PRRT4: variants seen among roughly 807,000 people sequenced by gnomAD.
The protein encoded by PRRT4 is proline-rich transmembrane protein 4.
Under a neutral mutation model 55.6 loss-of-function variants are expected in PRRT4, and 59 were observed. The observed-to-expected ratio is 1.06, with a 90% CI of 0.86 to 1.32. The LOEUF is 1.32. Among genes scored for constraint, PRRT4 ranks in the 40% most tolerant of loss-of-function variants. PRRT4 has a pLI of 0.00. For missense variants in PRRT4, 1,217 were observed against 1,222.0 expected (o/e 1.00, Z 0.06); for synonymous variants, 606 against 601.8 (o/e 1.01, Z -0.10).
At chr7:128,354,224 C>A (rs545641070) in intron 4 of PRRT4, among the ~76,000 whole-genome samples, 2 of 152,264 alleles carry the variant, frequency 1.3e-5, no homozygotes, top group Non-Finnish European at 2.9e-5. Context: ...CCCAGGAGCA[C>A]CCCCAGCCAC....
At chr7:128,351,879 G>T in exon 5 of PRRT4, 1 of 1,328,322 alleles carries the variant, frequency 7.5e-7, no homozygotes, top group Non-Finnish European at 9.6e-7. Context: ...CCGGGGCCGT[G>T]CGCGCCGCGC....
exon 5 of PRRT4, chr7:128,351,883 G>T (rs920172342): frequency 2.3e-6 from 3 of 1,327,078 alleles, no homozygotes; most frequent in South Asian, 2.1e-5. Flanking sequence ...GGCCGTGCGC[G>T]CCGCGCGCCG....
downstream of PRRT4, chr7:128,350,461 T>G: frequency 4.2e-6 from 1 of 236,056 alleles, no homozygotes; most frequent in Non-Finnish European, 8.2e-6. Context: ...GGGGTGGGAT[T>G]CCTAGGCATG....
intron 1 of PRRT4, among the ~76,000 whole-genome samples, 186 bp downstream of exon 2, chr7:128,361,120 C>G (rs1212119068): frequency 2.6e-5 from 4 of 151,020 alleles, no homozygotes; most frequent in Non-Finnish European, 5.9e-5. Context: ...CACACACACA[C>G]ACACACACAC....
rs546179699 is a variant in PRRT4 at position 128,358,585 on chromosome 7, C to A, written c.877+96G>T. 18 of 1,035,794 alleles carry A rather than the reference C, an allele frequency of 1.7e-5. No individual in the cohort carries two copies. The highest frequency in any genetic ancestry group is 2.6e-5 in the Non-Finnish European group (18 of 693,388). The allele number at this position is 1,035,794 out of a possible 1,614,324, so 64.2% of individuals were successfully genotyped here. A position where few individuals can be genotyped will look rare whatever the true frequency, so the allele number is the denominator to read the frequency against. ...AGAATGATGATTATGATTATGATGA[C>A]AATGAAATAAAAGGGTCCCAGAACA... On this transcript the variant is annotated intron_variant, in intron 4 of 4. Coordinates refer to ENST00000535159, the Ensembl canonical transcript of PRRT4. This position sits in a 1 kb window ranked among gnomAD's most constrained non-coding sequence, Gnocchi z 4.4.
rs986573221 is a variant in PRRT4 at position 128,351,874 on chromosome 7, G to A, written c.1682C>T (p.Ala561Val). Residue 561 changes from alanine (A) to valine (V), a missense_variant, in exon 5 of 5, where the codon GCC (alanine) becomes GTC (valine). Physicochemically the swap from Ala to Val is moderately conservative, Grantham distance 64. Around this residue, in one of 3 missense-constraint regions of PRRT4, gnomAD observed 642 missense variants for 600.9 expected, o/e 1.07. Transcript: ENST00000535159. The stretch of plus-strand genomic sequence containing the variant: ...CAGCCCGAAGGTGCCCGCCACCGGG[G>A]CCGTGCGCGCCGCGCGCCGCCAGGA... The A allele has an allele frequency of 1.4e-5, 18 of 1,331,476 alleles. No individual in the cohort carries two copies. Among genetic ancestry groups the A allele is most frequent in the Admixed American group, 4.1e-5 (1 of 24,272 alleles). The allele number at this position is 1,331,476 out of a possible 1,614,324, so 82.5% of individuals were successfully genotyped here.
At chr7:128,357,207 A>T (rs932163896) in intron 4 of PRRT4, among the ~76,000 whole-genome samples, 1 of 82,366 alleles carries the variant, frequency 1.2e-5, no homozygotes, top group African/African-American at 4.4e-5. Context: ...GCTTGATACA[A>T]ATACACACAC....
chr7:128,360,288 T>G (rs979141510), intron 1 of PRRT4, among the ~76,000 whole-genome samples: 1 of 152,194 alleles, frequency 6.6e-6, no homozygotes, highest in Non-Finnish European at 1.5e-5. Context: ...CCTCTGCTCA[T>G]GCAGAAGCTG....
intron 4 of PRRT4, among the ~76,000 whole-genome samples, chr7:128,356,885 AG>A (rs1209160133): frequency 6.6e-6 from 1 of 152,148 alleles, no homozygotes; most frequent in East Asian, 1.9e-4. Flanking sequence ...TACACTTTGT[AG>A]GGGTGACACT....
In PRRT4 at chr7:128,358,458, T is replaced by C. The variant is rs2116488349; in HGVS notation, c.877+223A>G. Among the ~76,000 whole-genome samples, 1 of 152,288 alleles carries C rather than the reference T, an allele frequency of 6.6e-6. No homozygotes were observed. Among genetic ancestry groups the C allele is most frequent in the East Asian group, 1.9e-4 (1 of 5,182 alleles). On this transcript the variant is annotated intron_variant, in intron 4 of 4. Coordinates refer to ENST00000535159, the Ensembl canonical transcript of PRRT4. This position sits in a 1 kb window ranked among gnomAD's most constrained non-coding sequence, Gnocchi z 4.4. ...TGTCTACATCCTGCTCTGCCTCTCA[T>C]TGCAAAACACTCAGGGGACCATTAC...
Position 128,359,367 on chromosome 7 carries a change from CT to C in PRRT4, c.624del (p.Glu209ArgfsTer25). The C allele has an allele frequency of 1.4e-6, 2 of 1,472,280 alleles. No individual in the cohort carries two copies. The highest frequency in any genetic ancestry group is 1.8e-6 in the Non-Finnish European group (2 of 1,112,570). 91.2% of individuals were successfully genotyped at this position (1,472,280 alleles called of 1,614,324 possible). On this transcript the variant is annotated frameshift_variant, in exon 2 of 5. Coordinates refer to ENST00000535159, the Ensembl canonical transcript of PRRT4. LOFTEE classifies it high-confidence loss of function. The stretch of plus-strand genomic sequence containing the variant: ...AAGGGTCCCAGGCGCCCAGCAATCT[CT>C]GCCAGGCTGGCCCGCAGGCTGGGCA...
Position 128,358,863 on chromosome 7 carries a change from T to C in PRRT4, c.758-63A>G, listed in dbSNP as rs1797171818. The C allele has an allele frequency of 2.0e-6, 3 of 1,474,434 alleles. No individual in the cohort carries two copies. The highest frequency in any genetic ancestry group is 2.7e-6 in the Non-Finnish European group (3 of 1,116,200). 91.3% of individuals were successfully genotyped at this position (1,474,434 alleles called of 1,614,324 possible). A position where few individuals can be genotyped will look rare whatever the true frequency, so the allele number is the denominator to read the frequency against. On this transcript the variant is annotated intron_variant, in intron 3 of 4. Coordinates refer to ENST00000535159, the Ensembl canonical transcript of PRRT4. The surrounding 1 kb of genome is among the most constrained non-coding windows in gnomAD (Gnocchi z 4.4). ...CCAACCAGCCTTGCCTCTGGGAGTTTGGAGAAAATTATGTCCTTCCCCAGA... is the reference window on the plus strand; with the variant it reads ...CCAACCAGCCTTGCCTCTGGGAGTTCGGAGAAAATTATGTCCTTCCCCAGA...
chr7:128,361,117 A>ACC (rs1797245685), intron 1 of PRRT4, among the ~76,000 whole-genome samples, 189 bp downstream of exon 2: 1 of 148,884 alleles, frequency 6.7e-6, no homozygotes, highest in African/African-American at 2.5e-5. Flanking sequence ...ACACACACAC[A>ACC]CACACACACA....
rs1797153080 is a variant in PRRT4, at chr7:128,358,036, C to G, written c.877+645G>C. The stretch of plus-strand genomic sequence containing the variant: ...AACTAGCAAGTACTATTATTAAACC[C>G]TGGGTCTATGAGAAAATTTAGGTTC... On this transcript the variant is annotated intron_variant, in intron 4 of 4. Transcript: ENST00000535159. This position sits in a 1 kb window ranked among gnomAD's most constrained non-coding sequence, Gnocchi z 4.4. Among the ~76,000 whole-genome samples, 1 of 152,202 alleles carries G rather than the reference C, an allele frequency of 6.6e-6. No homozygotes were observed. The highest frequency in any genetic ancestry group is 6.5e-5 in the Admixed American group (1 of 15,284).
chr7:128,359,476 G>T, exon 2 of PRRT4: 2 of 1,463,418 alleles, frequency 1.4e-6, no homozygotes, highest in Non-Finnish European at 1.8e-6. Context: ...GCTCGCTCTG[G>T]TGGGGCCTGG....
At chr7:128,350,604 G>C (rs1029705558), downstream of PRRT4, 3 of 569,340 alleles carry the variant, frequency 5.3e-6, no homozygotes, top group African/African-American at 5.6e-5. Flanking sequence ...GAATGCCAAG[G>C]AAAATGGGAC....
chr7:128,352,117 G>A, exon 5 of PRRT4: 1 of 1,167,490 alleles, frequency 8.6e-7, no homozygotes, highest in Non-Finnish European at 1.1e-6. Flanking sequence ...GAGGGCGGCG[G>A]CGGCCGCCAG....
intron 4 of PRRT4, among the ~76,000 whole-genome samples, chr7:128,353,302 CGT>C: frequency 6.6e-6 from 1 of 152,092 alleles, no homozygotes; most frequent in African/African-American, 2.4e-5. Context: ...TCCAAAGCCT[CGT>C]TCTAACATTA....
exon 2 of PRRT4, chr7:128,359,965 C>T: frequency 1.5e-6 from 2 of 1,360,672 alleles, no homozygotes; most frequent in Non-Finnish European, 9.5e-7. Context: ...AGAACAGTCC[C>T]AGCCCTAGAC....
Sources: allele counts gnomAD v4.1 joint callset (sites outside exome capture counted in the v4.1 genomes callset), GRCh38; gene constraint gnomAD v4.1.1; regional missense constraint gnomAD v4.1.1; non-coding constraint Gnocchi (gnomAD v3.1); transcripts MANE v1.5; gene names NCBI Gene and HGNC (gene_info 2026-07-23, HGNC 2026-07-21).